SLC39A14: variants seen among roughly 807,000 people sequenced by gnomAD.
The protein encoded by SLC39A14 is metal cation symporter ZIP14.
Under a neutral mutation model 45.5 loss-of-function variants are expected in SLC39A14, and 19 were observed. That is an observed-to-expected ratio of 0.42 (90% CI 0.29 to 0.61). SLC39A14 has a LOEUF of 0.61. Among genes scored for constraint, SLC39A14 ranks in the 20% least tolerant of loss-of-function variants. The probability of loss-of-function intolerance (pLI) is 0.22; values close to 1 mark genes in which losing one functional copy is unlikely to be tolerated. For synonymous variants in SLC39A14, 264 were observed against 251.3 expected (o/e 1.05, Z -0.48); for missense variants, 447 against 616.5 (o/e 0.73, Z 2.91).
intron 1 of SLC39A14, among the ~76,000 whole-genome samples, chr8:22,401,319 C>T (rs1834838699): frequency 6.7e-6 from 1 of 150,010 alleles, no homozygotes; most frequent in South Asian, 2.1e-4. Flanking sequence ...AGATTAGTGT[C>T]CGAGCCCTGG....
At chr8:22,373,162 CT>C (rs992043468) in intron 1 of SLC39A14, among the ~76,000 whole-genome samples, 28 of 151,548 alleles carry the variant, frequency 1.8e-4, no homozygotes, top group African/African-American at 6.8e-4. Context: ...ACTCTGGAGG[CT>C]GAGGCAGGAG....
At chr8:22,428,733 G>T (rs190271120) in intron 8 of SLC39A14, among the ~76,000 whole-genome samples, 2 of 152,096 alleles carry the variant, frequency 1.3e-5, no homozygotes, top group Admixed American at 6.5e-5. Flanking sequence ...GAGCCACTGC[G>T]CCAGGCCAGT....
rs577829780 is a variant in SLC39A14, at chr8:22,419,801, A to G, written c.*103A>G. On this transcript the variant is annotated 3_prime_UTR_variant, in exon 9 of 9. Coordinates refer to ENST00000381237, the MANE Select transcript of SLC39A14 (RefSeq NM_001128431.4). ...AATGCACCACGGAAGAGGCCGTTCT[A>G]TGAAAAACTGACACAGACTGTATTC... The G allele has an allele frequency of 1.2e-5, 18 of 1,459,950 alleles. No homozygotes were observed. Among genetic ancestry groups the G allele is most frequent in the African/African-American group, 1.4e-5 (1 of 70,630 alleles). 90.4% of individuals were successfully genotyped at this position (1,459,950 alleles called of 1,614,324 possible). A position where few individuals can be genotyped will look rare whatever the true frequency, so the allele number is the denominator to read the frequency against.
intron 1 of SLC39A14, among the ~76,000 whole-genome samples, chr8:22,372,029 C>A (rs1308491658): frequency 1.3e-5 from 2 of 152,148 alleles, no homozygotes. Context: ...AGGTGTGAGC[C>A]ACTTGCACCC....
At chr8:22,381,219 G>A (rs559416961) in intron 1 of SLC39A14, among the ~76,000 whole-genome samples, 53 of 152,040 alleles carry the variant, frequency 3.5e-4, no homozygotes, top group African/African-American at 1.3e-3. Flanking sequence ...TGATCTGCCC[G>A]CCTCGGCCTC....
At chr8:22,406,631 G>T (rs1018145141) in intron 2 of SLC39A14, among the ~76,000 whole-genome samples, 6 of 152,198 alleles carry the variant, frequency 3.9e-5, no homozygotes, top group Admixed American at 3.3e-4. Flanking sequence ...GGCAGAGGTC[G>T]CAGTGAGCGG....
intron 1 of SLC39A14, among the ~76,000 whole-genome samples, chr8:22,383,115 A>C (rs1833606282): frequency 6.6e-6 from 1 of 152,148 alleles, no homozygotes; most frequent in Non-Finnish European, 1.5e-5. Context: ...TATGAGCCAG[A>C]AAGGACCACT....
At chr8:22,393,132 T>C (rs568758576) in intron 1 of SLC39A14, 12 of 903,002 alleles carry the variant, frequency 1.3e-5, no homozygotes, top group Non-Finnish European at 1.6e-5. Context: ...CCTCCTGCAC[T>C]GTCTGGAAAT....
downstream of SLC39A14, among the ~76,000 whole-genome samples, chr8:22,424,726 T>C (rs1463839095): frequency 2.6e-5 from 4 of 152,010 alleles, no homozygotes; most frequent in African/African-American, 9.7e-5. Flanking sequence ...ATGGAAAGAA[T>C]GAATGAAAAA....
intron 1 of SLC39A14, among the ~76,000 whole-genome samples, chr8:22,371,237 T>C (rs1189970760): frequency 6.6e-6 from 1 of 151,914 alleles, no homozygotes; most frequent in African/African-American, 2.4e-5. Context: ...TTAGAACTCC[T>C]AACCTCCCTC....
Position 22,421,165 on chromosome 8 carries a change from G to A in SLC39A14, c.*1467G>A. 1 of 985,812 alleles carries A rather than the reference G, an allele frequency of 1.0e-6. No homozygotes were observed. The highest frequency in any genetic ancestry group is 1.2e-6 in the Non-Finnish European group (1 of 829,936). The allele number at this position is 985,812 out of a possible 1,614,324, so 61.1% of individuals were successfully genotyped here. ...CCTTTCTTAGTGGTGCCCACAGTTG[G>A]AGCCCAGGGGCCATGTTTGCAAACT... On this transcript the variant is annotated 3_prime_UTR_variant, in exon 9 of 9. Transcript: ENST00000381237.
intron 1 of SLC39A14, among the ~76,000 whole-genome samples, chr8:22,383,010 G>A (rs1372194565): frequency 6.6e-6 from 1 of 151,968 alleles, no homozygotes; most frequent in Non-Finnish European, 1.5e-5. Flanking sequence ...GAGTCACCGC[G>A]GCCGGTGGCG....
chr8:22,425,534 C>CT (rs34521121), downstream of SLC39A14, among the ~76,000 whole-genome samples: 69,646 of 144,400 alleles, frequency 0.48, 17,746 homozygotes, highest in African/African-American at 0.68. Context: ...TTTCGGCTGA[C>CT]TTTTTTTTTT....
At chr8:22,410,177 C>A in intron 3 of SLC39A14, 2 of 1,563,540 alleles carry the variant, frequency 1.3e-6, no homozygotes, top group South Asian at 2.2e-5. Context: ...GAGCCAATCC[C>A]CTCCTCCCCT....
rs183304061 is a variant in SLC39A14, at chr8:22,433,018, G to A, written c.1333-873G>A. 9.7e-4 allele frequency among the ~76,000 whole-genome samples: 147 copies of A among 151,828 alleles called. 1 individual carries two copies. The highest frequency in any genetic ancestry group is 3.4e-3 in the African/African-American group (139 of 41,390). On this transcript the variant is annotated intron_variant, in intron 8 of 8. Transcript: ENST00000240095. ...GTCTCCCTATGTCATTGCCCAGGCC[G>A]GTCTGGAACTCCTGGGCTCAAGCGA...
chr8:22,405,153 A>C (rs1185218207), intron 2 of SLC39A14, among the ~76,000 whole-genome samples, 173 bp downstream of exon 2: 1 of 152,242 alleles, frequency 6.6e-6, no homozygotes, highest in African/African-American at 2.4e-5. Flanking sequence ...TGTCTGAATC[A>C]GCAAATTCTG....
downstream of SLC39A14, among the ~76,000 whole-genome samples, chr8:22,424,516 CA>C (rs1275134134): frequency 5.9e-5 from 9 of 152,182 alleles, no homozygotes. Flanking sequence ...ATTTGCTATT[CA>C]AAATGACATT....
intron 2 of SLC39A14, among the ~76,000 whole-genome samples, chr8:22,406,014 C>A (rs1399627064): frequency 6.6e-6 from 1 of 152,214 alleles, no homozygotes; most frequent in East Asian, 1.9e-4. Flanking sequence ...TGAAATGAAG[C>A]ATTGCATTTT....
chr8:22,416,376 A>G, intron 7 of SLC39A14, 96 bp downstream of exon 7: 1 of 1,015,880 alleles, frequency 9.8e-7, no homozygotes, highest in Non-Finnish European at 1.5e-6. Flanking sequence ...CCCTGTCTTC[A>G]CAGTGCTTAT....
Sources: allele counts gnomAD v4.1 joint callset (sites outside exome capture counted in the v4.1 genomes callset), GRCh38; gene constraint gnomAD v4.1.1; transcripts MANE v1.5; gene names NCBI Gene and HGNC (gene_info 2026-07-23, HGNC 2026-07-21).